TFPI: variants seen among roughly 807,000 people sequenced by gnomAD.
TFPI encodes the protein tissue factor pathway inhibitor.
In TFPI, 15 loss-of-function variants were observed where a neutral mutation model predicts 34.6. The observed-to-expected ratio is 0.43, with a 90% confidence interval of 0.29 to 0.67. The LOEUF (loss-of-function observed/expected upper bound fraction) is 0.67. TFPI is among the 30% of genes least tolerant of loss of function. The pLI is 0.15. For missense variants in TFPI, 301 were observed against 364.0 expected (o/e 0.83, Z 1.41); for synonymous variants, 105 against 120.1 (o/e 0.87, Z 0.82).
At chr2:187,525,209 C>T (rs1452938842) in intron 1 of TFPI, among the ~76,000 whole-genome samples, 1 of 152,044 alleles carries the variant, frequency 6.6e-6, no homozygotes, top group African/African-American at 2.4e-5. Context: ...CTTAAGAAAA[C>T]TGAGGTTCAT....
intron 1 of TFPI, among the ~76,000 whole-genome samples, chr2:187,512,046 C>T (rs1686677036): frequency 6.6e-6 from 1 of 151,850 alleles, no homozygotes; most frequent in Non-Finnish European, 1.5e-5. Context: ...TATAACACTC[C>T]AATAACACTT....
intron 1 of TFPI, among the ~76,000 whole-genome samples, chr2:187,523,129 A>T (rs184350594): frequency 1.3e-5 from 2 of 152,072 alleles, no homozygotes. Flanking sequence ...GAGTTTGTGC[A>T]GTTTTTAAAT....
intron 2 of TFPI, among the ~76,000 whole-genome samples, chr2:187,500,744 C>G (rs1265644811): frequency 6.6e-6 from 1 of 152,070 alleles, no homozygotes; most frequent in Non-Finnish European, 1.5e-5. Flanking sequence ...TCTTGCAGCC[C>G]ACACCTAAGC....
At chr2:187,522,187 C>G (rs1687414450) in intron 1 of TFPI, among the ~76,000 whole-genome samples, 1 of 151,956 alleles carries the variant, frequency 6.6e-6, no homozygotes, top group African/African-American at 2.4e-5. Context: ...TTGATTGTTT[C>G]TTTTGCCACG....
At chr2:187,484,370 TGTAAG>T (rs1553521348) in intron 5 of TFPI, 154 bp from the exon 6 acceptor site, 2 of 618,998 alleles carry the variant, frequency 3.2e-6, no homozygotes, top group South Asian at 2.2e-5. Context: ...TAAATATAAT[TGTAAG>T]GTAATATTTC....
At chr2:187,535,821 T>C (rs1559153096) in intron 1 of TFPI, among the ~76,000 whole-genome samples, 2 of 151,864 alleles carry the variant, frequency 1.3e-5, no homozygotes, top group East Asian at 1.9e-4. Context: ...ATTAACAAAA[T>C]AGACAGACCG....
At chr2:187,543,278 T>G (rs897742808) in intron 1 of TFPI, among the ~76,000 whole-genome samples, 1 of 152,208 alleles carries the variant, frequency 6.6e-6, no homozygotes, top group East Asian at 1.9e-4. Flanking sequence ...TCCAACATAA[T>G]TAAAGTTATT....
intron 6 of TFPI, among the ~76,000 whole-genome samples, chr2:187,468,803 TA>T (rs3836093): frequency 0.042 from 6,372 of 152,168 alleles, 213 homozygotes; most frequent in African/African-American, 0.088. Flanking sequence ...GTAGCACAGC[TA>T]AACTGCTTGA....
intron 1 of TFPI, among the ~76,000 whole-genome samples, chr2:187,509,152 G>T (rs1686443356): frequency 6.6e-6 from 1 of 152,172 alleles, no homozygotes; most frequent in South Asian, 2.1e-4. Context: ...AAGCCGACTT[G>T]ATCGTGGTGG....
At chr2:187,499,154 A>G (rs8176438) in intron 2 of TFPI, among the ~76,000 whole-genome samples, 2,926 of 151,892 alleles carry the variant, frequency 0.019, 90 homozygotes, top group African/African-American at 0.066. Context: ...CTAACATTTC[A>G]TGTTGATGAA....
chr2:187,517,490 A>C (rs985559571), intron 1 of TFPI: 6 of 152,208 alleles, frequency 3.9e-5, no homozygotes, highest in African/African-American at 1.4e-4. Context: ...ATTTGATTGC[A>C]CTGTGGTCAG....
chr2:187,500,481 A>T (rs1377255469), intron 2 of TFPI, among the ~76,000 whole-genome samples: 1 of 152,146 alleles, frequency 6.6e-6, no homozygotes, highest in Non-Finnish European at 1.5e-5. Context: ...CATTTGGATC[A>T]AGCATACGGT....
rs1691699945 is a variant in TFPI at position 187,465,875 on chromosome 2, T to A, written c.*1061A>T. 6.6e-6 allele frequency: 1 copy of A among 152,176 alleles called. No individual in the cohort carries two copies. Among genetic ancestry groups the A allele is most frequent in the Admixed American group, 6.6e-5 (1 of 15,262 alleles). 9.4% of individuals were successfully genotyped at this position (152,176 alleles called of 1,614,324 possible). A position where few individuals can be genotyped will look rare whatever the true frequency, so the allele number is the denominator to read the frequency against. On this transcript the variant is annotated 3_prime_UTR_variant, in exon 8 of 8. Coordinates refer to ENST00000233156, the MANE Select transcript of TFPI (RefSeq NM_006287.6). ...GTTGAGGTTGTTGAGGTTGTTGAGA[T>A]GCCAGACTGCACATGGCTCAGCAAT...
chr2:187,522,992 T>G (rs1317578522), intron 1 of TFPI, among the ~76,000 whole-genome samples: 4 of 152,084 alleles, frequency 2.6e-5, no homozygotes, highest in African/African-American at 9.6e-5. Flanking sequence ...TTATTTTGAT[T>G]GTGTTGATGG....
chr2:187,467,790 A>G lies in TFPI; in HGVS notation c.771T>C (p.Phe257=). 6.2e-7 allele frequency: 1 copy of G among 1,611,202 alleles called. No individual in the cohort carries two copies. Among genetic ancestry groups the G allele is most frequent in the South Asian group, 1.1e-5 (1 of 90,704 alleles). Residue 257 remains phenylalanine, a synonymous_variant, in exon 7 of 8, where the codon TTT becomes TTC. Coordinates refer to ENST00000233156, the MANE Select transcript of TFPI (RefSeq NM_006287.6). ...YSGCGGNENN[F]TSKQECLRAC... is the part of the protein sequence containing the mutation. ...CCCTCAGACATTCTTGTTTGGAAGT[A>G]AAATTGTTTTCATTTCCCCCACATC...
At chr2:187,476,054 A>G (rs1692351450) in intron 6 of TFPI, among the ~76,000 whole-genome samples, 1 of 152,216 alleles carries the variant, frequency 6.6e-6, no homozygotes, top group African/African-American at 2.4e-5. Flanking sequence ...TGATTCAAAC[A>G]GTATTTAGAG....
At chr2:187,497,281 A>T (rs1685548452) in intron 2 of TFPI, among the ~76,000 whole-genome samples, 1 of 152,048 alleles carries the variant, frequency 6.6e-6, no homozygotes, top group African/African-American at 2.4e-5. Context: ...GACTCTTGTT[A>T]GGGAGGTATT....
intron 3 of TFPI, among the ~76,000 whole-genome samples, chr2:187,490,617 C>T (rs1342842288): frequency 6.6e-6 from 1 of 151,436 alleles, no homozygotes; most frequent in Non-Finnish European, 1.5e-5. Flanking sequence ...TTTAAAGGGC[C>T]TTTCCTATAG....
At chr2:187,499,260 C>T (rs1685692049) in intron 2 of TFPI, among the ~76,000 whole-genome samples, 1 of 151,404 alleles carries the variant, frequency 6.6e-6, no homozygotes, top group African/African-American at 2.4e-5. Context: ...GTAAAATTTT[C>T]CATTTTTCTT....
Sources: allele counts gnomAD v4.1 joint callset (sites outside exome capture counted in the v4.1 genomes callset), GRCh38; gene constraint gnomAD v4.1.1; transcripts MANE v1.5; gene names NCBI Gene and HGNC (gene_info 2026-07-23, HGNC 2026-07-21).